Variants in XRN2 observed in about 807,000 individuals in gnomAD.
XRN2 encodes DHM1-like protein.
In XRN2, 44 loss-of-function variants were observed where a neutral mutation model predicts 138.5. The observed-to-expected ratio is 0.32, with a 90% confidence interval of 0.25 to 0.41. The LOEUF (loss-of-function observed/expected upper bound fraction) is 0.41, where lower values mean the gene tolerates loss of function less well. Ranked by LOEUF, XRN2 falls within the 10% of genes least tolerant of loss-of-function variation. The probability of loss-of-function intolerance (pLI) is 1.00; values close to 1 mark genes in which losing one functional copy is unlikely to be tolerated. For missense variants in XRN2, 937 were observed against 1,169.3 expected (o/e 0.80, Z 2.90); for synonymous variants, 354 against 369.4 (o/e 0.96, Z 0.48).
At chr20:21,342,616 G>C (rs2038386451) in intron 15 of XRN2, among the ~76,000 whole-genome samples, 2 of 152,178 alleles carry the variant, frequency 1.3e-5, no homozygotes, top group Admixed American at 6.5e-5. Context: ...TAATACAAAT[G>C]GATTAGTGTA....
intron 20 of XRN2, among the ~76,000 whole-genome samples, chr20:21,350,219 T>C (rs1009088368): frequency 2.0e-5 from 3 of 152,174 alleles, no homozygotes; most frequent in Non-Finnish European, 2.9e-5. Context: ...GATGATTGAA[T>C]GTAAAATACA....
intron 24 of XRN2, among the ~76,000 whole-genome samples, chr20:21,361,002 G>A (rs949873835): frequency 6.6e-6 from 1 of 152,186 alleles, no homozygotes; most frequent in Non-Finnish European, 1.5e-5. Context: ...GGGAAAGGTT[G>A]TGTAAAAATG....
chr20:21,361,809 A>T (rs2038639956), intron 24 of XRN2, among the ~76,000 whole-genome samples: 1 of 152,240 alleles, frequency 6.6e-6, no homozygotes, highest in African/African-American at 2.4e-5. Context: ...TTTGAATCTG[A>T]GTTATGGCTG....
rs763935763 is a variant in XRN2 at position 21,368,416 on chromosome 20, G to A, written c.2457-47G>A. On this transcript the variant is annotated intron_variant, in intron 26 of 29. Transcript: ENST00000377191. ...ATTTGTGTCAGCTGTGTTATGATGG[G>A]TATATCACTATACAATTTTTTTTTC... 1.2e-5 allele frequency: 20 copies of A among 1,609,812 alleles called. No individual in the cohort carries two copies. The East Asian group carries it at 1.3e-4, about 11-fold the overall frequency.
At chr20:21,321,326 TGTGTG>T (rs2038040527) in intron 1 of XRN2, among the ~76,000 whole-genome samples, 6 of 149,642 alleles carry the variant, frequency 4.0e-5, no homozygotes, top group Admixed American at 4.0e-4. Context: ...TGTGTGTGTG[TGTGTG>T]TGTGTGTGTG....
At chr20:21,385,738 G>GC (rs1600723634) in intron 28 of XRN2, among the ~76,000 whole-genome samples, 1 of 152,194 alleles carries the variant, frequency 6.6e-6, no homozygotes, top group East Asian at 1.9e-4. Flanking sequence ...GGCTTGAATA[G>GC]CTGTGAGAAG....
At chr20:21,369,951 A>G (rs146352170) in intron 27 of XRN2, among the ~76,000 whole-genome samples, 27 of 152,336 alleles carry the variant, frequency 1.8e-4, no homozygotes, top group Admixed American at 4.6e-4. Context: ...GCCCAAACCA[A>G]TATCCTAAAG....
chr20:21,365,656 G>A lies in XRN2; in HGVS notation c.2408G>A (p.Arg803His), dbSNP rs151176304. Residue 803 changes from arginine (R) to histidine (H), a missense_variant, in exon 26 of 30, where the codon CGT becomes CAT. By Grantham distance (29) the Arg-to-His change is conservative. Around this residue, in one of 6 missense-constraint regions of XRN2, gnomAD observed 372 missense variants for 414.4 expected, o/e 0.90. Coordinates refer to ENST00000377191, the MANE Select transcript of XRN2 (RefSeq NM_012255.5). ...RQWKPQLGFN[R>H]DRRPVHLDQA... ...TGGAAGCCTCAGCTTGGCTTTAACC[G>A]TGACCGGAGGCCTGTGCACCTGGAT... 81 of 1,613,006 alleles carry A rather than the reference G, an allele frequency of 5.0e-5. No homozygotes were observed. The Admixed American group carries it at 7.0e-4, about 14-fold the overall frequency.
chr20:21,304,169 T>A (rs2122147549), intron 1 of XRN2, among the ~76,000 whole-genome samples: 1 of 152,326 alleles, frequency 6.6e-6, no homozygotes, highest in East Asian at 1.9e-4. Flanking sequence ...AGTTAATACG[T>A]AAGTAGATTT....
intron 1 of XRN2, among the ~76,000 whole-genome samples, chr20:21,317,835 T>C (rs1052857568): frequency 3.9e-5 from 6 of 152,192 alleles, no homozygotes; most frequent in African/African-American, 1.4e-4. Flanking sequence ...AATTGACAGA[T>C]ACGGAGGGCT....
Position 21,382,256 on chromosome 20 carries a change from A to G in XRN2, c.2648+199A>G, listed in dbSNP as rs372141096. Among the ~76,000 whole-genome samples the G allele has an allele frequency of 1.5e-3, 236 of 152,296 alleles. 1 individual carries two copies. Among genetic ancestry groups the G allele is most frequent in the African/African-American group, 5.5e-3 (227 of 41,576 alleles). ...AGACTCATGTTTAATATACTTTCTTACTTTTCTTGGTTCTTGGCCTTTATT... is the reference window on the plus strand; with the variant it reads ...AGACTCATGTTTAATATACTTTCTTGCTTTTCTTGGTTCTTGGCCTTTATT... On this transcript the variant is annotated intron_variant, in intron 28 of 29. Coordinates refer to ENST00000377191, the MANE Select transcript of XRN2 (RefSeq NM_012255.5).
chr20:21,377,529 A>G (rs1292516132), intron 27 of XRN2, among the ~76,000 whole-genome samples: 1 of 148,650 alleles, frequency 6.7e-6, no homozygotes, highest in African/African-American at 2.5e-5. Flanking sequence ...AAGTGTTGGG[A>G]TTACAGGCGT....
chr20:21,329,671 A>G (rs1183574246), intron 4 of XRN2, among the ~76,000 whole-genome samples: 4 of 152,090 alleles, frequency 2.6e-5, no homozygotes, highest in Admixed American at 1.3e-4. Context: ...GATGTGATGA[A>G]ATATACTTGT....
chr20:21,367,890 C>G (rs571481128), intron 26 of XRN2, among the ~76,000 whole-genome samples: 15 of 152,198 alleles, frequency 9.9e-5, no homozygotes, highest in East Asian at 7.7e-4. Flanking sequence ...ATTCCTACCT[C>G]TTGGATTTGT....
Position 21,333,731 on chromosome 20 carries a change from A to G in XRN2, c.961A>G (p.Ser321Gly). 1 of 1,614,136 alleles carries G rather than the reference A, an allele frequency of 6.2e-7. No homozygotes were observed. Among genetic ancestry groups the G allele is most frequent in the Non-Finnish European group, 8.5e-7 (1 of 1,180,010 alleles). The change falls in exon 11 of 30, where the codon AGC becomes GGC. Residue 321 changes from serine to glycine, a missense_variant. Physicochemically the swap from Ser to Gly is moderately conservative, Grantham distance 56 (BLOSUM62 0). Coordinates refer to ENST00000377191, the MANE Select transcript of XRN2 (RefSeq NM_012255.5). ...EYLERELTMA[S>G]LPFTFDVERS... The stretch of plus-strand genomic sequence containing the variant: ...TTTGGAAAGAGAACTCACAATGGCC[A>G]GCCTACCATTCACATTTGATGTTGA...
At chr20:21,339,895 T>C (rs2038349370) in intron 14 of XRN2, among the ~76,000 whole-genome samples, 1 of 152,186 alleles carries the variant, frequency 6.6e-6, no homozygotes, top group Admixed American at 6.6e-5. Context: ...TTACTACGTT[T>C]TGTTAGAATT....
rs2038967060 is a variant in XRN2, at chr20:21,389,468, A to G, written c.*130A>G. ...TTGTGTATTTCTTTTAACTGTGTATATTTCTACTGATCTGATCTCACTGTT... is the reference window on the plus strand; with the variant it reads ...TTGTGTATTTCTTTTAACTGTGTATGTTTCTACTGATCTGATCTCACTGTT... On this transcript the variant is annotated 3_prime_UTR_variant, in exon 30 of 30. Transcript: ENST00000377191. 2.6e-6 allele frequency: 2 copies of G among 777,796 alleles called. No individual in the cohort carries two copies. Among genetic ancestry groups the G allele is most frequent in the South Asian group, 3.9e-5 (2 of 51,198 alleles). 48.2% of individuals were successfully genotyped at this position (777,796 alleles called of 1,614,324 possible).
Position 21,320,461 on chromosome 20 carries a change from G to A in XRN2, c.76-5818G>A, listed in dbSNP as rs908070249. ...ACTACGGGCGCCTGCCACCACATCC[G>A]GCTAATTTTTTGTATTTTTAGTAGA... On this transcript the variant is annotated intron_variant, in intron 1 of 29. Transcript: ENST00000377191. Among the ~76,000 whole-genome samples, 9 of 151,620 alleles carry A rather than the reference G, an allele frequency of 5.9e-5. No homozygotes were observed. In the East Asian group the frequency reaches 7.7e-4, roughly 13 times the overall value.
chr20:21,352,191 A>G (rs901947928), intron 20 of XRN2, among the ~76,000 whole-genome samples: 1 of 152,194 alleles, frequency 6.6e-6, no homozygotes. Context: ...TTCCTCATAC[A>G]TGTTTTTAAA....
Sources: allele counts gnomAD v4.1 joint callset (sites outside exome capture counted in the v4.1 genomes callset), GRCh38; gene constraint gnomAD v4.1.1; regional missense constraint gnomAD v4.1.1; transcripts MANE v1.5; gene names NCBI Gene and HGNC (gene_info 2026-07-23, HGNC 2026-07-21).